Variants in SLC39A12 observed in about 807,000 individuals in gnomAD.
SLC39A12 encodes the protein solute carrier family 39 member 12.
In SLC39A12, 63 loss-of-function variants were observed where a neutral mutation model predicts 71.1. The ratio of observed to expected loss-of-function variants is 0.89; its 90% CI spans 0.72 to 1.09. The LOEUF (loss-of-function observed/expected upper bound fraction) is 1.09, where lower values mean the gene tolerates loss of function less well. Ranked by LOEUF, SLC39A12 falls within the 50% of genes least tolerant of loss-of-function variation. The pLI is 0.00. For missense variants in SLC39A12, 892 were observed against 812.6 expected, an observed-to-expected ratio of 1.10 and a Z score of -1.19; for synonymous variants, 351 against 301.3, an observed-to-expected ratio of 1.16 and a Z score of -1.71.
At chr10:17,991,125 C>CCTT in intron 7 of SLC39A12, 26 bp from the exon 8 acceptor site, 5 of 1,359,042 alleles carry the variant, frequency 3.7e-6, no homozygotes, top group South Asian at 3.3e-5. Flanking sequence ...TTCTCTCTGC[C>CCTT]TTTTTTTTTT....
At chr10:18,029,057 G>C (rs1312147338) in intron 12 of SLC39A12, among the ~76,000 whole-genome samples, 2 of 151,164 alleles carry the variant, frequency 1.3e-5, no homozygotes, top group African/African-American at 4.9e-5. Flanking sequence ...TTTTTTAGTA[G>C]AGGTGGAGTT....
intron 9 of SLC39A12, among the ~76,000 whole-genome samples, chr10:17,995,029 C>T (rs1481975122): frequency 6.6e-6 from 1 of 152,164 alleles, no homozygotes; most frequent in Non-Finnish European, 1.5e-5. Context: ...AATCTTACCT[C>T]ATAAAGTCAA....
chr10:17,989,914 A>T (rs1376274990), intron 7 of SLC39A12, among the ~76,000 whole-genome samples: 1 of 149,520 alleles, frequency 6.7e-6, no homozygotes, highest in Non-Finnish European at 1.5e-5. Context: ...CTGTCTCACG[A>T]AAAAAAAAAG....
chr10:18,018,386 T>A (rs1400445708), intron 12 of SLC39A12, among the ~76,000 whole-genome samples: 2 of 152,206 alleles, frequency 1.3e-5, no homozygotes, highest in Non-Finnish European at 2.9e-5. Flanking sequence ...ATTTCTTGTC[T>A]TATTGCATTA....
Position 18,042,913 on chromosome 10 carries a change from T to G in SLC39A12, c.*80T>G. ...TTTCATTGCACTCTATAATGATTTTTAAATTAAGAATTTTTTATCTTAGGC... is the reference window on the plus strand; with the variant it reads ...TTTCATTGCACTCTATAATGATTTTGAAATTAAGAATTTTTTATCTTAGGC... On this transcript the variant is annotated 3_prime_UTR_variant, in exon 13 of 13. Transcript: ENST00000377369. 8.1e-7 allele frequency: 1 copy of G among 1,239,180 alleles called. No homozygotes were observed. The highest frequency in any genetic ancestry group is 2.8e-5 in the East Asian group (1 of 35,984). 76.8% of individuals were successfully genotyped at this position (1,239,180 alleles called of 1,614,324 possible). A position where few individuals can be genotyped will look rare whatever the true frequency, so the allele number is the denominator to read the frequency against.
At chr10:18,041,837 A>G (rs1399113656) in intron 12 of SLC39A12, among the ~76,000 whole-genome samples, 1 of 145,090 alleles carries the variant, frequency 6.9e-6, no homozygotes, top group African/African-American at 2.6e-5. Context: ...GTACATACAT[A>G]TGTATACGTA....
chr10:18,015,426 G>T (rs750009172), intron 12 of SLC39A12, among the ~76,000 whole-genome samples: 1 of 152,024 alleles, frequency 6.6e-6, no homozygotes, highest in East Asian at 1.9e-4. Flanking sequence ...CTCTGTGTTT[G>T]ATATTAGGGA....
chr10:17,963,134 C>G (rs1052970963), intron 3 of SLC39A12, among the ~76,000 whole-genome samples: 4 of 151,874 alleles, frequency 2.6e-5, no homozygotes, highest in African/African-American at 9.7e-5. Flanking sequence ...ATACTCTACC[C>G]TGGGCAACAG....
At chr10:17,985,387 T>C (rs1835373618) in intron 6 of SLC39A12, among the ~76,000 whole-genome samples, 1 of 151,794 alleles carries the variant, frequency 6.6e-6, no homozygotes, top group Non-Finnish European at 1.5e-5. Context: ...AATGAACCTT[T>C]TAGAAAAATG....
chr10:18,009,265 A>G lies in SLC39A12; in HGVS notation c.1947+5907A>G, dbSNP rs542465584. Among the ~76,000 whole-genome samples, 4 of 152,242 alleles carry G rather than the reference A, an allele frequency of 2.6e-5. No individual in the cohort carries two copies. The East Asian group carries it at 7.8e-4, about 30-fold the overall frequency. ...TCCCTACAATGGGGGGAACTGGACA[A>G]CTGCCCAGGAATTTAGTACATTAAT... On this transcript the variant is annotated intron_variant, in intron 12 of 12. Transcript: ENST00000377369.
At chr10:17,987,730 AT>A in intron 7 of SLC39A12, 79 bp downstream of exon 7, 1 of 1,460,956 alleles carries the variant, frequency 6.8e-7, no homozygotes, top group South Asian at 1.2e-5. Flanking sequence ...TTTATGCAAA[AT>A]TTTACTGAGA....
intron 12 of SLC39A12, among the ~76,000 whole-genome samples, chr10:18,041,721 ATATATGTG>A (rs1399154728): frequency 4.2e-5 from 5 of 118,560 alleles, no homozygotes; most frequent in African/African-American, 1.3e-4. Context: ...ATACATATGT[ATATATGTG>A]TATATATGTA....
intron 10 of SLC39A12, 56 bp downstream of exon 10, chr10:17,995,778 C>A: frequency 6.8e-7 from 1 of 1,471,840 alleles, no homozygotes; most frequent in Non-Finnish European, 9.4e-7. Context: ...ACAGTTATGT[C>A]TGTTTTAAAA....
chr10:17,983,581 A>C (rs1037899777), intron 6 of SLC39A12, among the ~76,000 whole-genome samples: 2 of 152,154 alleles, frequency 1.3e-5, no homozygotes, highest in Non-Finnish European at 2.9e-5. Context: ...CAGGAGTTCG[A>C]GACCAGCCTG....
At chr10:18,023,609 G>C (rs1180738615) in intron 12 of SLC39A12, among the ~76,000 whole-genome samples, 2 of 152,162 alleles carry the variant, frequency 1.3e-5, no homozygotes, top group African/African-American at 4.8e-5. Flanking sequence ...GCCTGGTAAA[G>C]AGCATGGAGT....
intron 10 of SLC39A12, among the ~76,000 whole-genome samples, chr10:17,999,336 A>G (rs75094871): frequency 0.013 from 1,946 of 149,296 alleles, 44 homozygotes; most frequent in African/African-American, 0.045. Context: ...TTATGCATTC[A>G]GTTCTAACAG....
At chr10:17,987,730 A>G (rs1005178582) in intron 7 of SLC39A12, 79 bp downstream of exon 7, 68 of 1,460,838 alleles carry the variant, frequency 4.7e-5, no homozygotes, top group Admixed American at 9.3e-5. Context: ...TTTATGCAAA[A>G]TTTTACTGAG....
intron 10 of SLC39A12, among the ~76,000 whole-genome samples, chr10:17,996,591 G>A (rs1046389698): frequency 1.3e-5 from 2 of 152,184 alleles, no homozygotes; most frequent in Non-Finnish European, 2.9e-5. Context: ...TACAACTTAA[G>A]TAAGAATAAA....
At chr10:17,998,182 A>G (rs1203721324) in intron 10 of SLC39A12, among the ~76,000 whole-genome samples, 6 of 152,178 alleles carry the variant, frequency 3.9e-5, no homozygotes, top group African/African-American at 1.4e-4. Flanking sequence ...TATGGCTTAC[A>G]TGCAAATGTT....
Sources: allele counts gnomAD v4.1 joint callset (sites outside exome capture counted in the v4.1 genomes callset), GRCh38; gene constraint gnomAD v4.1.1; transcripts MANE v1.5; gene names NCBI Gene and HGNC (gene_info 2026-07-23, HGNC 2026-07-21).